The following NKAIN2 variants were observed in gnomAD, a reference collection of about 807,000 sequenced individuals.
NKAIN2 encodes the protein sodium/potassium-transporting ATPase subunit beta-1-interacting protein 2.
Under a neutral mutation model 32.6 loss-of-function variants are expected in NKAIN2, and 14 were observed. The ratio of observed to expected loss-of-function variants is 0.43; its 90% CI spans 0.28 to 0.67. The LOEUF is 0.67. NKAIN2 is among the 30% of genes least tolerant of loss of function. The pLI, the probability that NKAIN2 is intolerant of heterozygous loss-of-function variation, is 0.17. For synonymous variants in NKAIN2, 80 were observed against 87.2 expected, an observed-to-expected ratio of 0.92 and a Z score of 0.46; for missense variants, 198 against 258.3, an observed-to-expected ratio of 0.77 and a Z score of 1.60.
chr6:124,430,669 C>T (rs1333041287), intron 3 of NKAIN2, among the ~76,000 whole-genome samples: 2 of 146,022 alleles, frequency 1.4e-5, no homozygotes, highest in Admixed American at 6.9e-5. Flanking sequence ...ATGTATATTT[C>T]AAAAAAAAAA....
intron 3 of NKAIN2, among the ~76,000 whole-genome samples, chr6:124,446,787 T>C (rs1775910926): frequency 6.6e-6 from 1 of 152,160 alleles, no homozygotes; most frequent in South Asian, 2.1e-4. Context: ...TATATACAGC[T>C]CTTGTTTATC....
chr6:124,753,925 G>T (rs1055151760), intron 4 of NKAIN2, among the ~76,000 whole-genome samples: 4 of 152,170 alleles, frequency 2.6e-5, no homozygotes, highest in South Asian at 2.1e-4. Flanking sequence ...CAAACTTTAC[G>T]TGGGGAAATA....
chr6:124,423,534 A>T (rs2114540493), intron 3 of NKAIN2, among the ~76,000 whole-genome samples: 1 of 152,358 alleles, frequency 6.6e-6, no homozygotes, highest in Admixed American at 6.5e-5. Context: ...ATAAAAAATT[A>T]AACAGTGTTG....
intron 3 of NKAIN2, among the ~76,000 whole-genome samples, chr6:124,499,576 A>G (rs533711998): frequency 2.0e-5 from 3 of 152,190 alleles, no homozygotes; most frequent in Admixed American, 2.0e-4. Context: ...TGGTAGGTGA[A>G]GGGTAGAACC....
chr6:124,096,415 CCT>C (rs1371420586), intron 1 of NKAIN2, among the ~76,000 whole-genome samples: 1 of 152,158 alleles, frequency 6.6e-6, no homozygotes, highest in Non-Finnish European at 1.5e-5. Context: ...TTTACCAACC[CCT>C]GTTATGGGAT....
chr6:124,781,142 T>C (rs1026202904), intron 4 of NKAIN2, among the ~76,000 whole-genome samples: 2 of 152,150 alleles, frequency 1.3e-5, no homozygotes, highest in African/African-American at 4.8e-5. Context: ...TTATGTTCCC[T>C]TTGCTTGAGA....
At chr6:123,904,414 G>A (rs546768258) in intron 1 of NKAIN2, among the ~76,000 whole-genome samples, 156 of 152,294 alleles carry the variant, frequency 1.0e-3, no homozygotes, top group Non-Finnish European at 1.7e-3. Flanking sequence ...AAACAGATCA[G>A]ATGTCTATCA....
At chr6:124,721,116 C>G (rs557592726) in intron 4 of NKAIN2, among the ~76,000 whole-genome samples, 2 of 152,272 alleles carry the variant, frequency 1.3e-5, no homozygotes, top group East Asian at 3.9e-4. Context: ...ACTGACATGG[C>G]TTAGAAATAT....
intron 1 of NKAIN2, among the ~76,000 whole-genome samples, chr6:123,974,165 G>A (rs1331438460): frequency 6.6e-6 from 1 of 152,122 alleles, no homozygotes; most frequent in Non-Finnish European, 1.5e-5. Flanking sequence ...AGGTTATGAA[G>A]CATTACAGGA....
At chr6:124,412,779 C>T (rs2114503723) in intron 3 of NKAIN2, among the ~76,000 whole-genome samples, 1 of 152,320 alleles carries the variant, frequency 6.6e-6, no homozygotes, top group Admixed American at 6.5e-5. Flanking sequence ...GAGGTGGAGC[C>T]TACCTAGGCA....
rs556597372 is a variant in NKAIN2, at chr6:123,995,832, A to G, written c.54+191578A>G. On this transcript the variant is annotated intron_variant, in intron 1 of 6. Transcript: ENST00000368417. ...GAAAGAGAAGTTGAAAGCCTCCAAC[A>G]GAACGAACTGACTGAAATATTATGT... Among the ~76,000 whole-genome samples the G allele has an allele frequency of 1.2e-4, 18 of 152,336 alleles. No homozygotes were observed. The South Asian group carries it at 2.9e-3, about 25-fold the overall frequency.
chr6:124,513,577 G>A (rs1018097911), intron 3 of NKAIN2, among the ~76,000 whole-genome samples: 2 of 152,062 alleles, frequency 1.3e-5, no homozygotes, highest in Non-Finnish European at 2.9e-5. Flanking sequence ...TACTATGTGG[G>A]TTATAGCATC....
At chr6:124,105,695 A>G (rs1582653215) in intron 1 of NKAIN2, among the ~76,000 whole-genome samples, 1 of 152,214 alleles carries the variant, frequency 6.6e-6, no homozygotes, top group East Asian at 1.9e-4. Flanking sequence ...GTAGAAATAT[A>G]AATCCAATTA....
At chr6:124,350,530 G>A (rs1998171) in intron 2 of NKAIN2, among the ~76,000 whole-genome samples, 2,274 of 152,280 alleles carry the variant, frequency 0.015, 33 homozygotes, top group Non-Finnish European at 0.023. Context: ...ATAAAGTCCT[G>A]CCTTTGGATA....
chr6:124,671,423 T>C (rs998025301), intron 4 of NKAIN2, among the ~76,000 whole-genome samples: 2 of 152,168 alleles, frequency 1.3e-5, no homozygotes, highest in African/African-American at 4.8e-5. Context: ...AAGCTGTATA[T>C]AAAATGATGT....
intron 3 of NKAIN2, among the ~76,000 whole-genome samples, chr6:124,497,378 A>G (rs952661442): frequency 6.6e-6 from 1 of 152,128 alleles, no homozygotes; most frequent in Non-Finnish European, 1.5e-5. Context: ...ATTACCTCCT[A>G]GGCACTTTCT....
At chr6:124,178,911 G>A (rs973124506) in intron 1 of NKAIN2, among the ~76,000 whole-genome samples, 2 of 152,188 alleles carry the variant, frequency 1.3e-5, no homozygotes, top group Admixed American at 1.3e-4. Flanking sequence ...TAAAATCAAG[G>A]CCTCTAAATG....
chr6:123,868,150 G>A (rs1772670336), intron 1 of NKAIN2, among the ~76,000 whole-genome samples: 1 of 152,138 alleles, frequency 6.6e-6, no homozygotes, highest in South Asian at 2.1e-4. Context: ...TTACAGGCGT[G>A]AGCCACTGTG....
chr6:124,688,124 GTTAAT>G (rs1043736519), intron 4 of NKAIN2, among the ~76,000 whole-genome samples: 1 of 151,944 alleles, frequency 6.6e-6, no homozygotes, highest in African/African-American at 2.4e-5. Flanking sequence ...CTGAGTTTCT[GTTAAT>G]TTACTTTTTT....
Sources: gnomAD v4.1 joint callset for allele counts (sites outside exome capture counted in the v4.1 genomes callset) on GRCh38, gnomAD v4.1.1 for gene constraint, MANE v1.5 for transcripts, NCBI Gene and HGNC (gene_info 2026-07-23, HGNC 2026-07-21) for gene names.